Variants in LMO7 observed in about 807,000 individuals in gnomAD.
The protein encoded by LMO7 is LIM domain 7.
In LMO7, 120 loss-of-function variants were observed where a neutral mutation model predicts 206.5. That is an observed-to-expected ratio of 0.58 (90% CI 0.50 to 0.68). The LOEUF is 0.68. LMO7 is among the 30% of genes least tolerant of loss of function. LMO7 has a pLI of 0.00. For synonymous variants in LMO7, 706 were observed against 681.5 expected (o/e 1.04, Z -0.56); for missense variants, 1,959 against 1,957.9 (o/e 1.00, Z -0.01).
intron 1 of LMO7, among the ~76,000 whole-genome samples, chr13:75,649,759 A>C (rs1264925626): frequency 6.6e-6 from 1 of 152,198 alleles, no homozygotes; most frequent in African/African-American, 2.4e-5. Context: ...AGAAGCCCTT[A>C]ATATCTAAGG....
At chr13:75,695,609 T>C (rs1436436535) in intron 1 of LMO7, among the ~76,000 whole-genome samples, 2 of 152,192 alleles carry the variant, frequency 1.3e-5, no homozygotes, top group African/African-American at 2.4e-5. Flanking sequence ...CCTCTCAAAG[T>C]GTTGGGATTA....
chr13:75,695,518 T>C (rs2041831528), intron 1 of LMO7, among the ~76,000 whole-genome samples: 1 of 152,244 alleles, frequency 6.6e-6, no homozygotes, highest in Non-Finnish European at 1.5e-5. Context: ...AGCTAATTTT[T>C]GTATTTTTAA....
chr13:75,699,366 A>C (rs1224044481), intron 1 of LMO7, among the ~76,000 whole-genome samples: 1 of 151,452 alleles, frequency 6.6e-6, no homozygotes, highest in East Asian at 1.9e-4. Context: ...AACTAGCATG[A>C]ATTTCTTTCT....
chr13:75,813,818 T>C (rs2056699792), intron 11 of LMO7, among the ~76,000 whole-genome samples: 3 of 152,208 alleles, frequency 2.0e-5, no homozygotes, highest in Admixed American at 1.3e-4. Context: ...ATGCTGGGCT[T>C]TCTAGCCTTC....
intron 13 of LMO7, among the ~76,000 whole-genome samples, chr13:75,820,396 CTT>C (rs1316070504): frequency 6.6e-6 from 1 of 152,114 alleles, no homozygotes; most frequent in Non-Finnish European, 1.5e-5. Flanking sequence ...AAGCCTGAGT[CTT>C]TTGTAATCTT....
intron 15 of LMO7, among the ~76,000 whole-genome samples, chr13:75,830,469 C>T (rs1294218756): frequency 6.6e-6 from 1 of 152,154 alleles, no homozygotes; most frequent in Admixed American, 6.5e-5. Flanking sequence ...TTACCAGGCC[C>T]AGTGACATGC....
At chr13:75,662,214 C>T (rs879690543) in intron 1 of LMO7, among the ~76,000 whole-genome samples, 1 of 152,184 alleles carries the variant, frequency 6.6e-6, no homozygotes, top group African/African-American at 2.4e-5. Context: ...TATAAGCACA[C>T]ATTTTGCACA....
chr13:75,699,422 T>C (rs2042126527), intron 1 of LMO7, among the ~76,000 whole-genome samples: 1 of 139,568 alleles, frequency 7.2e-6, no homozygotes, highest in African/African-American at 2.7e-5. Context: ...TTTTTTTTTT[T>C]ACTGTAGTAT....
At chr13:75,731,426 G>T (rs551589775) in intron 3 of LMO7, among the ~76,000 whole-genome samples, 3 of 152,224 alleles carry the variant, frequency 2.0e-5, no homozygotes, top group Admixed American at 2.0e-4. Context: ...TTTAAAGTCT[G>T]TTTCATCAGA....
At chr13:75,690,122 T>TG (rs199693198) in intron 1 of LMO7, among the ~76,000 whole-genome samples, 1,599 of 151,916 alleles carry the variant, frequency 0.011, 28 homozygotes, top group South Asian at 0.068. Flanking sequence ...CTTTTAGAGA[T>TG]GGGGGTCTTA....
At chr13:75,711,060 A>G (rs377268184) in intron 1 of LMO7, among the ~76,000 whole-genome samples, 43 of 152,202 alleles carry the variant, frequency 2.8e-4, no homozygotes, top group Non-Finnish European at 5.0e-4. Flanking sequence ...AGATAATCAT[A>G]TGGTTTTTGT....
chr13:75,625,387 G>C lies in LMO7; in HGVS notation c.225+2067G>C, dbSNP rs1028673399. ...AAATAATAGAGGCTGATAGCCCTTT[G>C]AGTATGTAAAGGTCCAGCAGAAGAT... On this transcript the variant is annotated intron_variant, in intron 2 of 29. Transcript: ENST00000341547. 4.6e-5 allele frequency among the ~76,000 whole-genome samples: 7 copies of C among 151,954 alleles called. No homozygotes were observed. In the East Asian group the frequency reaches 1.4e-3, roughly 30 times the overall value.
At chr13:75,851,844 C>A (rs564095782) in intron 27 of LMO7, among the ~76,000 whole-genome samples, 1 of 152,082 alleles carries the variant, frequency 6.6e-6, no homozygotes, top group Non-Finnish European at 1.5e-5. Context: ...GATTCAGGTG[C>A]TACATAAATG....
intron 4 of LMO7, among the ~76,000 whole-genome samples, chr13:75,794,838 C>T (rs935353271): frequency 2.6e-5 from 4 of 152,106 alleles, no homozygotes. Context: ...GGCAGAGGTT[C>T]ATGGCTGTTT....
intron 1 of LMO7, among the ~76,000 whole-genome samples, chr13:75,686,317 C>T (rs1279767840): frequency 6.6e-6 from 1 of 152,116 alleles, no homozygotes; most frequent in East Asian, 1.9e-4. Flanking sequence ...AGAGAGAACT[C>T]ATGCAGGGGA....
At chr13:75,786,402 T>A (rs1447759181) in intron 4 of LMO7, among the ~76,000 whole-genome samples, 1 of 149,016 alleles carries the variant, frequency 6.7e-6, no homozygotes, top group Non-Finnish European at 1.5e-5. Flanking sequence ...TGAGATGGAG[T>A]CTCGCTCTGT....
intron 4 of LMO7, among the ~76,000 whole-genome samples, chr13:75,790,979 A>AT (rs1595031490): frequency 1.5e-5 from 2 of 132,100 alleles, no homozygotes; most frequent in East Asian, 5.1e-4. Context: ...TTTCATATCT[A>AT]CCCCTTTTTT....
chr13:75,774,898 G>A (rs891095148), intron 4 of LMO7, among the ~76,000 whole-genome samples: 1 of 151,896 alleles, frequency 6.6e-6, no homozygotes, highest in East Asian at 1.9e-4. Context: ...ACTTTTTTGT[G>A]TTCTGCTTAA....
chr13:75,832,950 C>A (rs2058797573), intron 15 of LMO7, 101 bp from the exon 16 acceptor site: 1 of 618,966 alleles, frequency 1.6e-6, no homozygotes, highest in Admixed American at 2.6e-5. Context: ...TGAAATGATT[C>A]AAGTCTACCT....
Sources: allele counts gnomAD v4.1 joint callset (sites outside exome capture counted in the v4.1 genomes callset), GRCh38; gene constraint gnomAD v4.1.1; transcripts MANE v1.5; gene names NCBI Gene and HGNC (gene_info 2026-07-23, HGNC 2026-07-21).